The following TLL1 variants were observed in gnomAD, a reference collection of about 807,000 sequenced individuals.
TLL1 encodes the protein tolloid-like protein 1.
A neutral mutation model predicts 128.2 loss-of-function variants in TLL1; 49 were observed. That is an observed-to-expected ratio of 0.38 (90% CI 0.30 to 0.48). The LOEUF (loss-of-function observed/expected upper bound fraction) is 0.48, where lower values mean the gene tolerates loss of function less well. Ranked by LOEUF, TLL1 falls within the 20% of genes least tolerant of loss-of-function variation. The probability of loss-of-function intolerance (pLI) is 0.96; values close to 1 mark genes in which losing one functional copy is unlikely to be tolerated. For synonymous variants in TLL1, 454 were observed against 418.8 expected, an observed-to-expected ratio of 1.08 and a Z score of -1.03; for missense variants, 1,123 against 1,242.0, an observed-to-expected ratio of 0.90 and a Z score of 1.44.
At chr4:166,024,689 A>C (rs1484239406) in intron 8 of TLL1, among the ~76,000 whole-genome samples, 1 of 152,230 alleles carries the variant, frequency 6.6e-6, no homozygotes, top group Non-Finnish European at 1.5e-5. Context: ...AGGAAAATAC[A>C]CAAATTGCTT....
chr4:165,972,943 G>A (rs970691804), intron 1 of TLL1, among the ~76,000 whole-genome samples: 1 of 150,002 alleles, frequency 6.7e-6, no homozygotes, highest in Non-Finnish European at 1.5e-5. Flanking sequence ...CATCTGATGG[G>A]CATTCTGGCT....
At position 165,999,513 on chromosome 4, in the gene TLL1, A is replaced by AC. The variant is rs201018783; in HGVS notation, c.633-3872dup. On this transcript the variant is annotated intron_variant, in intron 5 of 20. Coordinates refer to ENST00000061240, the MANE Select transcript of TLL1 (RefSeq NM_012464.5). ...TCACGAGAACAGCACAGGGGAGACC[A>AC]CCCCCCTGATCCAATCACTTCCCAC... 6.5e-3 allele frequency among the ~76,000 whole-genome samples: 985 copies of AC among 151,684 alleles called. 15 individuals carry two copies. Among genetic ancestry groups the AC allele is most frequent in the Non-Finnish European group, 6.8e-3 (464 of 67,920 alleles).
intron 1 of TLL1, among the ~76,000 whole-genome samples, chr4:165,954,548 A>G (rs1561051933): frequency 6.6e-6 from 1 of 152,034 alleles, no homozygotes; most frequent in Admixed American, 6.6e-5. Flanking sequence ...ATGCCTATGT[A>G]ACTTTGCCAG....
chr4:165,989,663 A>ATT (rs5863792), intron 2 of TLL1, among the ~76,000 whole-genome samples, 172 bp downstream of exon 2: 10,492 of 145,548 alleles, frequency 0.072, 1,059 homozygotes, highest in African/African-American at 0.23. Flanking sequence ...CATTTTATTA[A>ATT]TTTTTTTTTT....
chr4:165,893,891 T>G (rs761869766), intron 1 of TLL1, among the ~76,000 whole-genome samples: 1 of 152,146 alleles, frequency 6.6e-6, no homozygotes, highest in Non-Finnish European at 1.5e-5. Flanking sequence ...CTTCCTAGGA[T>G]AAAACTCAAA....
intron 1 of TLL1, among the ~76,000 whole-genome samples, chr4:165,954,989 T>C (rs1427802032): frequency 6.6e-6 from 1 of 152,058 alleles, no homozygotes; most frequent in Non-Finnish European, 1.5e-5. Context: ...ATAGACAGAA[T>C]TAAGATTCAG....
chr4:166,036,560 T>A (rs1739009846), intron 9 of TLL1, among the ~76,000 whole-genome samples: 1 of 152,180 alleles, frequency 6.6e-6, no homozygotes, highest in Non-Finnish European at 1.5e-5. Context: ...GTTATTCAAG[T>A]ACGAATCCTG....
chr4:166,025,580 A>T, intron 9 of TLL1, 149 bp downstream of exon 9: 1 of 674,088 alleles, frequency 1.5e-6, no homozygotes, highest in South Asian at 1.9e-5. Context: ...GGAATTGCTT[A>T]AACTCCAGGA....
At chr4:166,014,593 G>A in intron 8 of TLL1, 33 bp downstream of exon 8, 1 of 1,608,714 alleles carries the variant, frequency 6.2e-7, no homozygotes, top group Non-Finnish European at 8.5e-7. Flanking sequence ...GAGCATGACT[G>A]TACTTGATTG....
chr4:166,052,965 G>GTGTATATATATATA lies in TLL1; in HGVS notation c.1525-2110_1525-2109insGTATATATATATAT. On this transcript the variant is annotated intron_variant, in intron 12 of 20. Coordinates refer to ENST00000061240, the MANE Select transcript of TLL1 (RefSeq NM_012464.5). Reference sequence around the variant, plus strand: ...TAAAGACTGAGATAAGAGGTTATGTGTATATATATATATATATTTGGCCAA... The same window carrying GTGTATATATATATA: ...TAAAGACTGAGATAAGAGGTTATGTGTGTATATATATATATATATATATATATATATTTGGCCAA... 1.9e-3 allele frequency among the ~76,000 whole-genome samples: 192 copies of GTGTATATATATATA among 99,694 alleles called. 21 individuals are homozygous for GTGTATATATATATA. Among genetic ancestry groups the GTGTATATATATATA allele is most frequent in the African/African-American group, 4.8e-3 (126 of 26,278 alleles). 65.4% of individuals were successfully genotyped at this position (99,694 alleles called of 152,430 possible).
intron 1 of TLL1, among the ~76,000 whole-genome samples, chr4:165,947,351 G>T (rs143716497): frequency 1.3e-5 from 2 of 152,016 alleles, no homozygotes; most frequent in Non-Finnish European, 2.9e-5. Flanking sequence ...GGGCTTCAAC[G>T]TATTACTTTC....
Position 165,920,108 on chromosome 4 carries a change from C to T in TLL1, c.169+46035C>T, listed in dbSNP as rs9308119. Among the ~76,000 whole-genome samples the T allele has an allele frequency of 7.3e-3, 1,107 of 152,266 alleles. 23 individuals carry two copies. Among genetic ancestry groups the T allele is most frequent in the African/African-American group, 0.026 (1,073 of 41,544 alleles). On this transcript the variant is annotated intron_variant, in intron 1 of 20. Coordinates refer to ENST00000061240, the MANE Select transcript of TLL1 (RefSeq NM_012464.5). ...AGAAGTGTTTCTCAAGTAATAAATG[C>T]CATGCGTCTCCTGTGAAAATCATCA...
At chr4:166,041,910 T>G in intron 10 of TLL1, 117 bp from the exon 11 acceptor site, 2 of 721,810 alleles carry the variant, frequency 2.8e-6, no homozygotes, top group Non-Finnish European at 4.9e-6. Flanking sequence ...CTGCAATCAC[T>G]TGGAATAGAA....
intron 1 of TLL1, among the ~76,000 whole-genome samples, chr4:165,906,311 T>G (rs959771042): frequency 1.3e-5 from 2 of 152,222 alleles, no homozygotes; most frequent in Non-Finnish European, 2.9e-5. Flanking sequence ...TCTTGTCATA[T>G]GTTAAGTAAA....
intron 1 of TLL1, among the ~76,000 whole-genome samples, chr4:165,896,837 C>T (rs1731705952): frequency 6.6e-6 from 1 of 152,136 alleles, no homozygotes. Flanking sequence ...CTGTCTTTCA[C>T]AATGGTTGAA....
intron 18 of TLL1, among the ~76,000 whole-genome samples, chr4:166,082,291 C>G (rs1210889141): frequency 6.6e-6 from 1 of 152,146 alleles, no homozygotes; most frequent in Non-Finnish European, 1.5e-5. Context: ...AAACCTGACT[C>G]TCAATATCAT....
chr4:165,999,601 G>T (rs893359022), intron 5 of TLL1, among the ~76,000 whole-genome samples: 3 of 151,664 alleles, frequency 2.0e-5, no homozygotes, highest in African/African-American at 7.3e-5. Flanking sequence ...GGGACACAGA[G>T]TCAAACCATA....
At chr4:165,980,149 TCA>T (rs1288399099) in intron 1 of TLL1, among the ~76,000 whole-genome samples, 1 of 148,642 alleles carries the variant, frequency 6.7e-6, no homozygotes, top group African/African-American at 2.6e-5. Flanking sequence ...TGGTTTTTCT[TCA>T]CATGTTTTTA....
chr4:165,985,195 T>G (rs972399512), intron 1 of TLL1, among the ~76,000 whole-genome samples: 2 of 151,962 alleles, frequency 1.3e-5, no homozygotes, highest in African/African-American at 4.8e-5. Context: ...GTTGCCTTAT[T>G]ATTGGCAGAA....
Sources: gnomAD v4.1 joint callset for allele counts (sites outside exome capture counted in the v4.1 genomes callset) on GRCh38, gnomAD v4.1.1 for gene constraint, MANE v1.5 for transcripts, NCBI Gene and HGNC (gene_info 2026-07-23, HGNC 2026-07-21) for gene names.